SCAPER: variants seen among roughly 807,000 people sequenced by gnomAD.
The protein encoded by SCAPER is S phase cyclin A-associated protein in the endoplasmic reticulum.
SCAPER carries 98 observed loss-of-function variants against 182.2 expected under a neutral mutation model. The observed-to-expected ratio is 0.54, with a 90% CI of 0.46 to 0.64. SCAPER has a LOEUF of 0.64. Ranked by LOEUF, SCAPER falls within the 30% of genes least tolerant of loss-of-function variation. SCAPER has a pLI of 0.00. For synonymous variants in SCAPER, 605 were observed against 564.6 expected (o/e 1.07, Z -1.01); for missense variants, 1,432 against 1,690.0 (o/e 0.85, Z 2.68).
intron 15 of SCAPER, among the ~76,000 whole-genome samples, chr15:76,739,492 A>G (rs774866746): frequency 6.6e-6 from 1 of 152,208 alleles, no homozygotes; most frequent in Non-Finnish European, 1.5e-5. Flanking sequence ...CTGTGATACC[A>G]TGACACTCCA....
intron 23 of SCAPER, among the ~76,000 whole-genome samples, chr15:76,522,260 G>C (rs2042892412): frequency 6.6e-6 from 1 of 152,090 alleles, no homozygotes; most frequent in South Asian, 2.1e-4. Context: ...TTATGAGACA[G>C]AGACAGAGAG....
chr15:76,770,146 T>C (rs990129704), intron 10 of SCAPER, among the ~76,000 whole-genome samples: 11 of 140,940 alleles, frequency 7.8e-5, no homozygotes, highest in African/African-American at 2.4e-4. Flanking sequence ...TAGGTGGGAG[T>C]TGAACAATGA....
intron 21 of SCAPER, among the ~76,000 whole-genome samples, chr15:76,652,367 C>CATATATAT (rs1226261626): frequency 8.4e-4 from 20 of 23,844 alleles, no homozygotes; most frequent in African/African-American, 3.9e-3. Flanking sequence ...CACACACACA[C>CATATATAT]ACACATATAT....
intron 25 of SCAPER, among the ~76,000 whole-genome samples, chr15:76,446,435 T>C (rs148287291): frequency 1.4e-3 from 213 of 152,306 alleles, no homozygotes; most frequent in African/African-American, 5.1e-3. Context: ...CTCATTGCAA[T>C]AGCTGCCCAA....
intron 10 of SCAPER, 153 bp downstream of exon 10, chr15:76,771,589 A>T (rs1341306792): frequency 1.0e-5 from 6 of 585,202 alleles, no homozygotes; most frequent in Non-Finnish European, 1.7e-5. Context: ...CTATATCAAA[A>T]GTTTACCAAA....
At chr15:76,464,109 G>A (rs914891397) in intron 25 of SCAPER, among the ~76,000 whole-genome samples, 3 of 147,386 alleles carry the variant, frequency 2.0e-5, no homozygotes, top group Admixed American at 6.9e-5. Flanking sequence ...TTGTAAAATG[G>A]GTCTCTAGAA....
chr15:76,349,259 A>C (rs1222407925), intron 31 of SCAPER: 1 of 152,248 alleles, frequency 6.6e-6, no homozygotes, highest in African/African-American at 2.4e-5. Context: ...CCTATATTCT[A>C]TCCTTAAGTT....
chr15:76,901,547 T>C (rs887822419), intron 1 of SCAPER, among the ~76,000 whole-genome samples: 9 of 152,230 alleles, frequency 5.9e-5, no homozygotes, highest in Non-Finnish European at 1.3e-4. Context: ...AATATATAGC[T>C]AATTTTTGAA....
At chr15:76,405,643 G>A (rs1453909877) in intron 26 of SCAPER, among the ~76,000 whole-genome samples, 2 of 152,162 alleles carry the variant, frequency 1.3e-5, no homozygotes, top group Admixed American at 6.5e-5. Flanking sequence ...TTAATCCACA[G>A]AGCAGCAATC....
intron 21 of SCAPER, among the ~76,000 whole-genome samples, chr15:76,630,112 G>A (rs1320954230): frequency 6.6e-6 from 1 of 152,104 alleles, no homozygotes; most frequent in East Asian, 1.9e-4. Flanking sequence ...TGGAAACACA[G>A]TATTCTCTAT....
At chr15:76,604,743 T>A (rs2050221362) in intron 22 of SCAPER, among the ~76,000 whole-genome samples, 3 of 151,968 alleles carry the variant, frequency 2.0e-5, no homozygotes, top group Admixed American at 2.0e-4. Context: ...GTCCTTCACA[T>A]CCCTTGTAAG....
chr15:76,768,811 T>A (rs2063265320), intron 10 of SCAPER, among the ~76,000 whole-genome samples: 1 of 91,714 alleles, frequency 1.1e-5, no homozygotes, highest in Admixed American at 1.5e-4. Context: ...ACAAAATTGA[T>A]CTAGGTATTT....
chr15:76,713,346 A>G (rs1288403119), intron 17 of SCAPER, among the ~76,000 whole-genome samples: 1 of 152,008 alleles, frequency 6.6e-6, no homozygotes, highest in Non-Finnish European at 1.5e-5. Context: ...TTATTGCGGC[A>G]CTATTCACAA....
chr15:76,789,580 A>G (rs892110214), intron 8 of SCAPER, among the ~76,000 whole-genome samples: 6 of 152,208 alleles, frequency 3.9e-5, no homozygotes, highest in African/African-American at 1.4e-4. Flanking sequence ...TTTAAAACTG[A>G]GAAATTAGTT....
At chr15:76,804,743 C>T in intron 5 of SCAPER, 110 bp from the exon 6 acceptor site, 1 of 547,484 alleles carries the variant, frequency 1.8e-6, no homozygotes, top group South Asian at 3.7e-5. Flanking sequence ...TTATACTCTT[C>T]AATGAAAAAG....
chr15:76,749,150 G>A (rs1948123686), intron 15 of SCAPER, among the ~76,000 whole-genome samples: 1 of 150,534 alleles, frequency 6.6e-6, no homozygotes, highest in Admixed American at 6.6e-5. Context: ...ACACAAAAAT[G>A]ATAATATACT....
At chr15:76,606,963 T>C (rs1015186189) in intron 22 of SCAPER, among the ~76,000 whole-genome samples, 7 of 152,250 alleles carry the variant, frequency 4.6e-5, no homozygotes, top group Admixed American at 3.3e-4. Flanking sequence ...GTCTTGACTC[T>C]TTATCCAATT....
chr15:76,752,619 A>G (rs1302316863), intron 15 of SCAPER, among the ~76,000 whole-genome samples: 2 of 151,826 alleles, frequency 1.3e-5, no homozygotes, highest in African/African-American at 2.4e-5. Flanking sequence ...TAAGCCAGTC[A>G]CAAAAGGATA....
intron 23 of SCAPER, among the ~76,000 whole-genome samples, chr15:76,569,705 A>G (rs1454115830): frequency 6.6e-6 from 1 of 151,778 alleles, no homozygotes; most frequent in Non-Finnish European, 1.5e-5. Context: ...TATCCTTTTT[A>G]TACTCTTCTT....
Sources: allele counts gnomAD v4.1 joint callset (sites outside exome capture counted in the v4.1 genomes callset), GRCh38; gene constraint gnomAD v4.1.1; transcripts MANE v1.5; gene names NCBI Gene and HGNC (gene_info 2026-07-23, HGNC 2026-07-21).